Variants in ANKRD12 observed in about 807,000 individuals in gnomAD.
ANKRD12 encodes ankyrin repeat domain 12, also known as ankyrin repeat domain-containing protein 12.
In ANKRD12, 85 loss-of-function variants were observed where a neutral mutation model predicts 183.4. That is an observed-to-expected ratio of 0.46 (90% CI 0.39 to 0.56). ANKRD12 has a LOEUF of 0.56. ANKRD12 is among the 20% of genes least tolerant of loss of function. The probability of loss-of-function intolerance (pLI) is 0.00; values close to 1 mark genes in which losing one functional copy is unlikely to be tolerated. For synonymous variants in ANKRD12, 914 were observed against 800.2 expected (o/e 1.14, Z -2.40); for missense variants, 2,405 against 2,357.1 (o/e 1.02, Z -0.42).
intron 8 of ANKRD12, among the ~76,000 whole-genome samples, chr18:9,252,254 AGAAAG>A (rs1359868601): frequency 2.0e-5 from 3 of 152,198 alleles, no homozygotes; most frequent in Non-Finnish European, 2.9e-5. Flanking sequence ...GCTCAGGTAA[AGAAAG>A]GGAAGTGGTC....
At chr18:9,180,787 A>G (rs965040716) in intron 1 of ANKRD12, among the ~76,000 whole-genome samples, 2 of 152,198 alleles carry the variant, frequency 1.3e-5, no homozygotes, top group African/African-American at 2.4e-5. Flanking sequence ...TTCCTTACAT[A>G]GAATCTATTT....
At position 9,255,693 on chromosome 18, in the gene ANKRD12, A is replaced by G. The variant is rs761236679; in HGVS notation, c.2426A>G (p.Glu809Gly). 2 of 1,595,516 alleles carry G rather than the reference A, an allele frequency of 1.3e-6. No individual in the cohort carries two copies. Among genetic ancestry groups the G allele is most frequent in the Non-Finnish European group, 1.7e-6 (2 of 1,175,244 alleles). Residue 809 changes from glutamate to glycine, a missense_variant, in exon 9 of 13, where the codon GAA (glutamate) becomes GGA (glycine). Glu to Gly is a moderately conservative substitution (Grantham distance 98). Coordinates refer to ENST00000262126, the MANE Select transcript of ANKRD12 (RefSeq NM_015208.5). Reference protein sequence around the residue: ...LHLVEKEIDIEKQEKHIKESK... With the variant: ...LHLVEKEIDIGKQEKHIKESK... ...TTAGTGGAAAAGGAAATAGACATTG[A>G]AAAACAAGAAAAGCATATAAAGGAA...
At chr18:9,223,480 A>G (rs1410278113) in intron 8 of ANKRD12, among the ~76,000 whole-genome samples, 1 of 152,150 alleles carries the variant, frequency 6.6e-6, no homozygotes, top group East Asian at 1.9e-4. Flanking sequence ...ACCAAAAAAA[A>G]TGCTTTTGAA....
chr18:9,228,209 TC>T (rs1207445901), intron 8 of ANKRD12, among the ~76,000 whole-genome samples: 1 of 152,212 alleles, frequency 6.6e-6, no homozygotes, highest in Non-Finnish European at 1.5e-5. Context: ...CACCACATTT[TC>T]TTTATCCATT....
rs781614532 is a variant in ANKRD12 at position 9,254,602 on chromosome 18, C to T, written c.1335C>T (p.Val445=). The T allele has an allele frequency of 3.8e-6, 6 of 1,583,950 alleles. No individual in the cohort carries two copies. Among genetic ancestry groups the T allele is most frequent in the Non-Finnish European group, 5.1e-6 (6 of 1,169,072 alleles). Residue 445 remains valine, a synonymous_variant, in exon 9 of 13, where the codon GTC becomes GTT. Coordinates refer to ENST00000262126, the MANE Select transcript of ANKRD12 (RefSeq NM_015208.5). The stretch of plus-strand genomic sequence containing the variant: ...AAAAGATTTCTACTTCATGTTCCGT[C>T]ATCCCTGAAACATCAAATTCTGATA... The part of the protein sequence containing the change: ...QNKKISTSCS[V]IPETSNSDMQ...
intron 5 of ANKRD12, 79 bp downstream of exon 5, chr18:9,208,882 T>G: frequency 7.9e-7 from 1 of 1,270,342 alleles, no homozygotes. Flanking sequence ...ACAATTATTT[T>G]AACTACTTTT....
rs2040155188 is a variant in ANKRD12, at chr18:9,282,916, G to A, written c.*1790G>A. The A allele has an allele frequency of 1.3e-5, 2 of 152,508 alleles. No homozygotes were observed. Among genetic ancestry groups the A allele is most frequent in the Admixed American group, 1.3e-4 (2 of 15,276 alleles). The allele number at this position is 152,508 out of a possible 1,614,324, so 9.4% of individuals were successfully genotyped here. ...TAAAGGTTGGATGTAGTTTTCCTTAGAAATTTAGGTGAGAGATTTTGGCCT... is the reference window on the plus strand; with the variant it reads ...TAAAGGTTGGATGTAGTTTTCCTTAAAAATTTAGGTGAGAGATTTTGGCCT... On this transcript the variant is annotated 3_prime_UTR_variant, in exon 13 of 13. Transcript: ENST00000262126.
chr18:9,247,770 A>G (rs1321451578), intron 8 of ANKRD12, among the ~76,000 whole-genome samples: 2 of 150,618 alleles, frequency 1.3e-5, no homozygotes, highest in African/African-American at 2.5e-5. Context: ...GCATCTCCAT[A>G]GTTTTGGGGT....
At chr18:9,190,264 G>A (rs1435530414) in intron 2 of ANKRD12, among the ~76,000 whole-genome samples, 3 of 152,168 alleles carry the variant, frequency 2.0e-5, no homozygotes, top group African/African-American at 7.2e-5. Context: ...GAAATCTCAT[G>A]ATCAAACTTG....
At chr18:9,244,459 A>G (rs2037839486) in intron 8 of ANKRD12, among the ~76,000 whole-genome samples, 1 of 152,146 alleles carries the variant, frequency 6.6e-6, no homozygotes, top group Non-Finnish European at 1.5e-5. Context: ...AGCTGGGACT[A>G]TAGATGTGTG....
intron 1 of ANKRD12, among the ~76,000 whole-genome samples, chr18:9,179,712 C>T (rs937010021): frequency 1.3e-5 from 2 of 152,074 alleles, no homozygotes; most frequent in Non-Finnish European, 2.9e-5. Flanking sequence ...AGTGGTGTTT[C>T]GCCATGTTGT....
intron 1 of ANKRD12, among the ~76,000 whole-genome samples, chr18:9,160,595 G>GT (rs1035266039): frequency 3.3e-5 from 5 of 152,106 alleles, no homozygotes; most frequent in African/African-American, 9.7e-5. Context: ...TCTAAAAAGT[G>GT]TTTTTTTATC....
chr18:9,140,612 C>T (rs2078282204), intron 1 of ANKRD12, among the ~76,000 whole-genome samples: 1 of 152,092 alleles, frequency 6.6e-6, no homozygotes, highest in African/African-American at 2.4e-5. Flanking sequence ...TTTTCAGGTA[C>T]GCAAAAGGAG....
chr18:9,216,530 C>T (rs2036117608), intron 6 of ANKRD12, among the ~76,000 whole-genome samples: 1 of 152,196 alleles, frequency 6.6e-6, no homozygotes, highest in African/African-American at 2.4e-5. Context: ...TGGGGGTTAA[C>T]ACCCCTAACC....
chr18:9,220,507 T>C (rs1028016415), intron 7 of ANKRD12, among the ~76,000 whole-genome samples: 1 of 152,208 alleles, frequency 6.6e-6, no homozygotes, highest in Non-Finnish European at 1.5e-5. Context: ...TGAAAAAGAA[T>C]TAACGATGAC....
At chr18:9,227,015 C>T (rs73394146) in intron 8 of ANKRD12, among the ~76,000 whole-genome samples, 2,035 of 152,126 alleles carry the variant, frequency 0.013, 55 homozygotes, top group African/African-American at 0.046. Flanking sequence ...GATCATTTAA[C>T]AAGGAAATGG....
rs545356058 is a variant in ANKRD12, at chr18:9,230,947, C to T, written c.943+8948C>T. Among the ~76,000 whole-genome samples the T allele has an allele frequency of 4.6e-5, 7 of 152,176 alleles. No individual in the cohort carries two copies. The South Asian group carries it at 1.0e-3, about 23-fold the overall frequency. ...CCTCCCAAAGTGCTAGGATTACAGGCGTAAGCCACCATGCCTGGCCTCCAC... is the reference window on the plus strand; with the variant it reads ...CCTCCCAAAGTGCTAGGATTACAGGTGTAAGCCACCATGCCTGGCCTCCAC... On this transcript the variant is annotated intron_variant, in intron 8 of 12. Transcript: ENST00000262126.
intron 8 of ANKRD12, 151 bp from the exon 9 acceptor site, chr18:9,254,060 T>A: frequency 3.3e-6 from 3 of 902,076 alleles, no homozygotes; most frequent in Non-Finnish European, 4.5e-6. Context: ...TACACATTGC[T>A]ATTACATTAT....
chr18:9,184,624 G>A (rs1369171438), intron 2 of ANKRD12, among the ~76,000 whole-genome samples: 1 of 152,132 alleles, frequency 6.6e-6, no homozygotes, highest in African/African-American at 2.4e-5. Context: ...ACCTGCCTCA[G>A]CCTCCCAAAG....
Sources: gnomAD v4.1 joint callset for allele counts (sites outside exome capture counted in the v4.1 genomes callset) on GRCh38, gnomAD v4.1.1 for gene constraint, MANE v1.5 for transcripts, NCBI Gene and HGNC (gene_info 2026-07-23, HGNC 2026-07-21) for gene names.